TG: variants seen among roughly 807,000 people sequenced by gnomAD.
The protein encoded by TG is thyroglobulin, also known as thyroid hormones.
A neutral mutation model predicts 324.7 loss-of-function variants in TG; 270 were observed. The observed-to-expected ratio is 0.83, with a 90% confidence interval of 0.75 to 0.92. The LOEUF (loss-of-function observed/expected upper bound fraction) is 0.92. TG is among the 40% of genes least tolerant of loss of function. The pLI is 0.00. For synonymous variants in TG, 1,401 were observed against 1,327.0 expected, an observed-to-expected ratio of 1.06 and a Z score of -1.21; for missense variants, 3,591 against 3,456.4, an observed-to-expected ratio of 1.04 and a Z score of -0.98.
chr8:132,972,644 G>T lies in TG; in HGVS notation c.6102G>T (p.Met2034Ile), dbSNP rs765424647. 1.7e-5 allele frequency: 28 copies of T among 1,602,744 alleles called. No homozygotes were observed. The highest frequency in any genetic ancestry group is 2.4e-5 in the Non-Finnish European group (28 of 1,174,384). Residue 2034 changes from methionine (M) to isoleucine (I), a missense_variant, in exon 34 of 48, where the codon ATG becomes ATT. By Grantham distance (10) the Met-to-Ile change is conservative (BLOSUM62 1). Coordinates refer to ENST00000220616, the MANE Select transcript of TG (RefSeq NM_003235.5). ...CTCTGAACAGCTTGGGAATTCAGAT[G>T]TGCAGTGAGGAGAATGGAGGAGCCT... ...CLTLNSLGIQ[M>I]CSEENGGAWR...
chr8:133,133,435 C>T lies in TG; in HGVS notation c.7998-35C>T, dbSNP rs369649682. ...AGGTGATGAAAGGAAAGACAAATTT[C>T]CCTCATGGATATTTCTTTCTTCTCA... On this transcript the variant is annotated intron_variant, in intron 46 of 47. Coordinates refer to ENST00000220616, the MANE Select transcript of TG (RefSeq NM_003235.5). The T allele has an allele frequency of 1.9e-5, 31 of 1,601,846 alleles. No homozygotes were observed. The African/African-American group carries it at 3.3e-4, about 17-fold the overall frequency.
chr8:132,981,217 G>A (rs912726047), intron 34 of TG, among the ~76,000 whole-genome samples: 15 of 152,200 alleles, frequency 9.9e-5, no homozygotes, highest in African/African-American at 3.6e-4. Context: ...CTCTGCTGAC[G>A]TGAGATGCAT....
At chr8:132,955,680 T>G (rs1167417993) in intron 27 of TG, among the ~76,000 whole-genome samples, 1 of 152,198 alleles carries the variant, frequency 6.6e-6, no homozygotes, top group Non-Finnish European at 1.5e-5. Context: ...AGAGTTGATG[T>G]ATCTGTGACT....
intron 44 of TG, among the ~76,000 whole-genome samples, chr8:133,116,146 G>T (rs57860257): frequency 0.061 from 9,306 of 152,204 alleles, 958 homozygotes; most frequent in African/African-American, 0.21. Context: ...TGAGCTGAGG[G>T]TACCACATGC....
chr8:133,091,311 C>T (rs1847480881), intron 41 of TG, among the ~76,000 whole-genome samples: 1 of 152,242 alleles, frequency 6.6e-6, no homozygotes, highest in African/African-American at 2.4e-5. Context: ...GTGAGGTAGA[C>T]ACCACTGTAG....
intron 18 of TG, among the ~76,000 whole-genome samples, 168 bp downstream of exon 18, chr8:132,908,508 C>T (rs985437810): frequency 2.0e-5 from 3 of 151,902 alleles, no homozygotes; most frequent in Non-Finnish European, 2.9e-5. Context: ...GTTTTCTAGA[C>T]AGCCACTTTA....
At chr8:132,949,203 G>T (rs73710716) in intron 27 of TG, among the ~76,000 whole-genome samples, 2,010 of 152,324 alleles carry the variant, frequency 0.013, 50 homozygotes, top group African/African-American at 0.046. Flanking sequence ...CTGCTCTCAA[G>T]AATCTTGGGG....
At chr8:133,049,728 A>G in intron 41 of TG, 1 of 610,496 alleles carries the variant, frequency 1.6e-6, no homozygotes, top group Non-Finnish European at 3.0e-6. Context: ...AGAGCAGAAG[A>G]GATAAGTTAG....
chr8:133,046,091 G>A (rs531528313), intron 41 of TG, among the ~76,000 whole-genome samples: 52 of 152,294 alleles, frequency 3.4e-4, no homozygotes, highest in African/African-American at 1.1e-3. Flanking sequence ...GAGTAGAACC[G>A]CAGCCATGTG....
intron 8 of TG, among the ~76,000 whole-genome samples, chr8:132,885,797 A>T (rs907968800): frequency 1.3e-5 from 2 of 152,154 alleles, no homozygotes; most frequent in Non-Finnish European, 2.9e-5. Context: ...GGGCAGGGCC[A>T]TGCTCTCCCT....
chr8:132,998,075 A>G (rs969024132), intron 35 of TG, among the ~76,000 whole-genome samples: 15 of 152,168 alleles, frequency 9.9e-5, no homozygotes, highest in Non-Finnish European at 2.1e-4. Flanking sequence ...TGATAGATGG[A>G]GGCCCCTGAA....
intron 22 of TG, among the ~76,000 whole-genome samples, chr8:132,928,691 AG>A (rs112142452): frequency 3.3e-4 from 50 of 152,386 alleles, no homozygotes; most frequent in African/African-American, 8.7e-4. Flanking sequence ...CATTTCGGAA[AG>A]AATTCAAGTT....
At chr8:132,972,400 CT>C (rs1829649816) in intron 33 of TG, 197 bp from the exon 34 acceptor site, 1 of 634,642 alleles carries the variant, frequency 1.6e-6, no homozygotes, top group South Asian at 2.0e-5. Context: ...AGCTCTATCC[CT>C]TTGCTCTTAG....
chr8:132,969,399 A>G (rs2130498914), intron 31 of TG, 59 bp from the exon 32 acceptor site: 2 of 1,213,432 alleles, frequency 1.6e-6, no homozygotes, highest in South Asian at 1.2e-5. Flanking sequence ...ATTTGTCCTC[A>G]TATTTTCATG....
At chr8:133,099,533 G>C (rs745710887) in intron 43 of TG, among the ~76,000 whole-genome samples, 1 of 152,116 alleles carries the variant, frequency 6.6e-6, no homozygotes, top group African/African-American at 2.4e-5. Flanking sequence ...CTCTGAACTG[G>C]TTTAGCCAAT....
chr8:132,984,725 C>T (rs1200859158), intron 35 of TG, among the ~76,000 whole-genome samples: 1 of 152,188 alleles, frequency 6.6e-6, no homozygotes, highest in East Asian at 1.9e-4. Flanking sequence ...GGGTGGATCA[C>T]GAGATCAGGA....
In TG at chr8:132,948,786, C is replaced by T. The variant is rs367877691; in HGVS notation, c.5244C>T (p.Ile1748=). 1.2e-6 allele frequency: 2 copies of T among 1,613,866 alleles called. No homozygotes were observed. Among genetic ancestry groups the T allele is most frequent in the Admixed American group, 3.3e-5 (2 of 60,024 alleles). The change falls in exon 27 of 48, where the codon ATC becomes ATT. Residue 1748 remains isoleucine, a synonymous_variant. Transcript: ENST00000220616. Reference sequence around the variant, plus strand: ...TCTTGTGATTCTCAGGTGCCATCATCTGTGGGTTGCTGAGCTCACCCAGTG... The same window carrying T: ...TCTTGTGATTCTCAGGTGCCATCATTTGTGGGTTGCTGAGCTCACCCAGTG... ...VLTQVQGGAI[I]CGLLSSPSVL...
chr8:133,095,871 A>G (rs1312780566), intron 42 of TG, among the ~76,000 whole-genome samples: 1 of 152,120 alleles, frequency 6.6e-6, no homozygotes, highest in African/African-American at 2.4e-5. Flanking sequence ...GGTGAATTTC[A>G]CCTGTCAGAG....
chr8:132,985,207 A>G (rs1273601312), intron 35 of TG, among the ~76,000 whole-genome samples: 4 of 152,232 alleles, frequency 2.6e-5, no homozygotes, highest in Non-Finnish European at 4.4e-5. Flanking sequence ...GTCAAGTACT[A>G]CATTGAATCC....
Sources: gnomAD v4.1 joint callset for allele counts (sites outside exome capture counted in the v4.1 genomes callset) on GRCh38, gnomAD v4.1.1 for gene constraint, MANE v1.5 for transcripts, NCBI Gene and HGNC (gene_info 2026-07-23, HGNC 2026-07-21) for gene names.